ATP2C1: variants seen among roughly 807,000 people sequenced by gnomAD.
ATP2C1 encodes the protein ATPase secretory pathway Ca2+ transporting 1, also known as calcium-transporting ATPase type 2C member 1.
Under a neutral mutation model 120.5 loss-of-function variants are expected in ATP2C1, and 31 were observed. That is an observed-to-expected ratio of 0.26 (90% CI 0.19 to 0.35). The LOEUF is 0.35. Ranked by LOEUF, ATP2C1 falls within the 10% of genes least tolerant of loss-of-function variation. The probability of loss-of-function intolerance (pLI) is 1.00; values close to 1 mark genes in which losing one functional copy is unlikely to be tolerated. For missense variants in ATP2C1, 731 were observed against 1,107.5 expected (o/e 0.66, Z 4.83); for synonymous variants, 351 against 358.7 (o/e 0.98, Z 0.24).
chr3:130,899,926 C>G (rs939399551), intron 2 of ATP2C1, among the ~76,000 whole-genome samples: 1 of 152,006 alleles, frequency 6.6e-6, no homozygotes, highest in African/African-American at 2.4e-5. Flanking sequence ...GTTGTAATTG[C>G]TTTCTTAAGT....
chr3:130,885,231 G>T (rs1401869108), intron 1 of ATP2C1, among the ~76,000 whole-genome samples: 1 of 152,062 alleles, frequency 6.6e-6, no homozygotes, highest in Non-Finnish European at 1.5e-5. Context: ...ACCACGCACA[G>T]CCGGTGAAGT....
chr3:130,956,580 A>G (rs2060590457), intron 11 of ATP2C1, among the ~76,000 whole-genome samples: 1 of 151,682 alleles, frequency 6.6e-6, no homozygotes, highest in Non-Finnish European at 1.5e-5. Context: ...CCTCTTCTAG[A>G]CATTTAGGAT....
At chr3:131,016,433 A>T (rs2109080232) in exon 27 of ATP2C1, 2 of 1,367,488 alleles carry the variant, frequency 1.5e-6, no homozygotes. Context: ...ATAAAGAAAG[A>T]AATTAATTTA....
At chr3:130,877,890 A>G (rs1444203609) in intron 1 of ATP2C1, among the ~76,000 whole-genome samples, 1 of 152,170 alleles carries the variant, frequency 6.6e-6, no homozygotes, top group Non-Finnish European at 1.5e-5. Flanking sequence ...AACCAACCCA[A>G]ATGTCCAACA....
chr3:130,951,846 T>A (rs1266681337), intron 8 of ATP2C1, among the ~76,000 whole-genome samples: 1 of 152,194 alleles, frequency 6.6e-6, no homozygotes, highest in African/African-American at 2.4e-5. Context: ...TCCACTGTCA[T>A]ATTATCTAAA....
At chr3:130,949,333 A>G (rs747971153) in intron 8 of ATP2C1, among the ~76,000 whole-genome samples, 49 of 152,196 alleles carry the variant, frequency 3.2e-4, no homozygotes, top group Non-Finnish European at 5.9e-4. Context: ...TCGATAAAAC[A>G]TAAAAGCAGC....
intron 2 of ATP2C1, among the ~76,000 whole-genome samples, chr3:130,924,983 A>G (rs1463574549): frequency 1.3e-5 from 2 of 151,840 alleles, no homozygotes; most frequent in East Asian, 1.9e-4. Context: ...ATCCTGTATC[A>G]TGTTTTTGAT....
chr3:130,950,415 C>G (rs1370113913), intron 8 of ATP2C1, among the ~76,000 whole-genome samples: 2 of 152,088 alleles, frequency 1.3e-5, no homozygotes, highest in Non-Finnish European at 2.9e-5. Context: ...CTTTCCCTCT[C>G]TCATGAATGC....
At chr3:130,918,266 T>A (rs2058775880) in intron 2 of ATP2C1, 1 of 1,539,056 alleles carries the variant, frequency 6.5e-7, no homozygotes, top group South Asian at 1.1e-5. Flanking sequence ...GCCAAATCCC[T>A]TGGGCCCAAA....
chr3:130,952,452 G>A (rs2060409373), intron 8 of ATP2C1, among the ~76,000 whole-genome samples: 1 of 152,052 alleles, frequency 6.6e-6, no homozygotes. Flanking sequence ...GCTCAGAAGT[G>A]AACCATTTGA....
chr3:130,916,244 C>G (rs1041928938), intron 2 of ATP2C1, among the ~76,000 whole-genome samples: 4 of 83,030 alleles, frequency 4.8e-5, no homozygotes, highest in African/African-American at 1.7e-4. Context: ...TGTCTCTACT[C>G]AAAAAAAAAA....
At chr3:130,948,894 A>T (rs554967483) in intron 8 of ATP2C1, among the ~76,000 whole-genome samples, 1 of 152,192 alleles carries the variant, frequency 6.6e-6, no homozygotes, top group East Asian at 1.9e-4. Flanking sequence ...TTACTGTTAA[A>T]ATTGTTTTGG....
At chr3:130,857,343 C>G (rs1400883132) in intron 1 of ATP2C1, among the ~76,000 whole-genome samples, 1 of 152,188 alleles carries the variant, frequency 6.6e-6, no homozygotes, top group South Asian at 2.1e-4. Context: ...TATGTCTTCA[C>G]TATCTAAGAA....
At position 130,959,347 on chromosome 3, in the gene ATP2C1, T is replaced by A. The variant is rs1430775611; in HGVS notation, c.899+6T>A. On this transcript the variant is annotated splice_donor_region_variant and intron_variant, in intron 12 of 27. Coordinates refer to ENST00000510168, the MANE Select transcript of ATP2C1 (RefSeq NM_001378687.1). The stretch of plus-strand genomic sequence containing the variant: ...ATGTTTACTATTAGTGTAAGGTAAG[T>A]CTCAATACTTTATAATTGGAGTCTC... 6.3e-7 allele frequency: 1 copy of A among 1,588,402 alleles called. No individual in the cohort carries two copies. Among genetic ancestry groups the A allele is most frequent in the African/African-American group, 1.3e-5 (1 of 74,264 alleles).
chr3:130,885,398 T>C (rs1366299627), intron 1 of ATP2C1, among the ~76,000 whole-genome samples: 2 of 152,156 alleles, frequency 1.3e-5, no homozygotes, highest in Non-Finnish European at 2.9e-5. Flanking sequence ...TTCTAGTTGT[T>C]TTGTGGTCTT....
In ATP2C1 at chr3:131,014,100, A is replaced by G. The variant is rs772748279; in HGVS notation, c.2630-2052A>G. On this transcript the variant is annotated intron_variant, in intron 26 of 26. Transcript: ENST00000328560. ...CTCACTATGTTCCTCTAAGTTTTCA[A>G]CCATTAACAACCCAAACCGGTTGTT... is the stretch of plus-strand genomic sequence containing the variant. 1.9e-6 allele frequency: 3 copies of G among 1,604,332 alleles called. No individual in the cohort carries two copies. In the East Asian group the frequency reaches 6.7e-5, roughly 36 times the overall value.
chr3:130,995,480 G>A (rs1330247408), intron 22 of ATP2C1, among the ~76,000 whole-genome samples: 1 of 151,914 alleles, frequency 6.6e-6, no homozygotes, highest in Admixed American at 6.6e-5. Context: ...CTTGTGTGAA[G>A]AGACAATGCA....
At chr3:130,930,210 C>G (rs1191969325) in intron 2 of ATP2C1, 3 of 574,734 alleles carry the variant, frequency 5.2e-6, no homozygotes, top group Non-Finnish European at 9.5e-6. Context: ...GCACCGATGG[C>G]TTAGTTTTTG....
At chr3:130,872,604 A>C (rs2068470630) in intron 1 of ATP2C1, among the ~76,000 whole-genome samples, 1 of 150,978 alleles carries the variant, frequency 6.6e-6, no homozygotes, top group South Asian at 2.1e-4. Context: ...TTTTTTTTAA[A>C]GATGGGGTCT....
Sources: allele counts gnomAD v4.1 joint callset (sites outside exome capture counted in the v4.1 genomes callset), GRCh38; gene constraint gnomAD v4.1.1; transcripts MANE v1.5; gene names NCBI Gene and HGNC (gene_info 2026-07-23, HGNC 2026-07-21).